The following TMEM222 variants were observed in gnomAD, a reference collection of about 807,000 sequenced individuals.
TMEM222 encodes the protein transmembrane protein 222.
A neutral mutation model predicts 25.1 loss-of-function variants in TMEM222; 18 were observed. That is an observed-to-expected ratio of 0.72 (90% CI 0.50 to 1.06). The LOEUF is 1.06. Ranked by LOEUF, TMEM222 falls within the 50% of genes least tolerant of loss-of-function variation. The pLI is 0.00. For synonymous variants in TMEM222, 131 were observed against 117.9 expected (o/e 1.11, Z -0.72); for missense variants, 296 against 293.7 (o/e 1.01, Z -0.06).
intron 1 of TMEM222, among the ~76,000 whole-genome samples, chr1:27,324,771 G>A (rs776231453): frequency 2.0e-5 from 3 of 152,194 alleles, no homozygotes; most frequent in Admixed American, 6.5e-5. Context: ...AGGCAAAGGG[G>A]GAGGGAGGCA....
chr1:27,334,984 C>T, intron 5 of TMEM222: 1 of 330,338 alleles, frequency 3.0e-6, no homozygotes, highest in Non-Finnish European at 5.4e-6. Context: ...CCAGTAGTCC[C>T]CATTATGAAG....
chr1:27,335,356 G>A (rs1301612659), intron 5 of TMEM222, 23 bp from the exon 6 acceptor site: 1 of 1,613,300 alleles, frequency 6.2e-7, no homozygotes, highest in Non-Finnish European at 8.5e-7. Context: ...GCCCACCTAT[G>A]CTCGCTCCTT....
chr1:27,334,718 T>C (rs1276036234), intron 5 of TMEM222: 1 of 1,334,294 alleles, frequency 7.5e-7, no homozygotes, highest in Non-Finnish European at 9.9e-7. Context: ...CGCCACAGCA[T>C]GGACACAGCA....
chr1:27,332,104 A>C lies in TMEM222; in HGVS notation c.311+3A>C, dbSNP rs200411753. 50 of 1,614,150 alleles carry C rather than the reference A, an allele frequency of 3.1e-5. No individual in the cohort carries two copies. Among genetic ancestry groups the C allele is most frequent in the African/African-American group, 4.0e-5 (3 of 74,954 alleles). On this transcript the variant is annotated splice_donor_region_variant and intron_variant, in intron 3 of 5. Transcript: ENST00000374076. ...ATGGCCTTTGGAAAGCCTGCCAAGTAAGTGATGAACACCCATGTGACTGGC... is the reference window on the plus strand; with the variant it reads ...ATGGCCTTTGGAAAGCCTGCCAAGTCAGTGATGAACACCCATGTGACTGGC...
intron 1 of TMEM222, among the ~76,000 whole-genome samples, chr1:27,327,846 A>G (rs958833684): frequency 1.3e-5 from 2 of 152,204 alleles, no homozygotes; most frequent in Non-Finnish European, 2.9e-5. Context: ...GGCTCAAGCA[A>G]TCCAACTGCC....
chr1:27,334,443 G>GGA, intron 5 of TMEM222, 162 bp downstream of exon 5: 1 of 1,286,438 alleles, frequency 7.8e-7, no homozygotes, highest in Admixed American at 2.7e-5. Flanking sequence ...AGGGCCTGAT[G>GGA]GAGAGGGAGG....
At chr1:27,325,664 C>T (rs1306028870) in intron 1 of TMEM222, 2 of 835,240 alleles carry the variant, frequency 2.4e-6, no homozygotes, top group Admixed American at 1.7e-5. Context: ...TCATTGTGCC[C>T]CCAGAGTGCA....
chr1:27,335,273 C>T, intron 5 of TMEM222, 106 bp from the exon 6 acceptor site: 1 of 1,181,698 alleles, frequency 8.5e-7, no homozygotes, highest in Non-Finnish European at 1.3e-6. Context: ...TTGGGTTTTC[C>T]TTAGGGATGG....
intron 1 of TMEM222, among the ~76,000 whole-genome samples, chr1:27,330,401 A>G (rs1177159816): frequency 2.0e-5 from 3 of 151,966 alleles, no homozygotes; most frequent in African/African-American, 7.3e-5. Context: ...CATTTGAAAA[A>G]AAAAAAAAGG....
In TMEM222 at chr1:27,334,508, C is replaced by A. The variant is rs2014558732; in HGVS notation, c.539+227C>A. The A allele has an allele frequency of 1.1e-5, 15 of 1,349,042 alleles. No homozygotes were observed. In the South Asian group the frequency reaches 2.3e-4, roughly 21 times the overall value. The allele number at this position is 1,349,042 out of a possible 1,614,324, so 83.6% of individuals were successfully genotyped here. ...GCCCCAAATGCAGCTCTGGCTCTTGCCTGCTGTGAGACCATGGGCAACTGC... is the reference window on the plus strand; with the variant it reads ...GCCCCAAATGCAGCTCTGGCTCTTGACTGCTGTGAGACCATGGGCAACTGC... On this transcript the variant is annotated intron_variant, in intron 5 of 5. Coordinates refer to ENST00000374076, the MANE Select transcript of TMEM222 (RefSeq NM_032125.3).
chr1:27,332,205 A>G, intron 3 of TMEM222, 104 bp downstream of exon 3: 1 of 1,403,310 alleles, frequency 7.1e-7, no homozygotes. Flanking sequence ...CTGAGAATAG[A>G]GTATTTGGGG....
At chr1:27,326,155 G>A (rs1440614214) in intron 1 of TMEM222, among the ~76,000 whole-genome samples, 3 of 152,188 alleles carry the variant, frequency 2.0e-5, no homozygotes, top group African/African-American at 7.2e-5. Context: ...GATCTTTGCA[G>A]GGTATTAATA....
intron 3 of TMEM222, chr1:27,333,267 T>C (rs2014523481): frequency 2.1e-6 from 1 of 466,742 alleles, no homozygotes; most frequent in African/African-American, 2.0e-5. Flanking sequence ...CACAGTTTTA[T>C]GCCTGTCACT....
chr1:27,332,655 T>A lies in TMEM222; in HGVS notation c.311+554T>A. 3 of 643,958 alleles carry A rather than the reference T, an allele frequency of 4.7e-6. No individual in the cohort carries two copies. The East Asian group carries it at 8.2e-5, about 18-fold the overall frequency. The allele number at this position is 643,958 out of a possible 1,614,324, so 39.9% of individuals were successfully genotyped here. A position where few individuals can be genotyped will look rare whatever the true frequency, so the allele number is the denominator to read the frequency against. ...TGTGGGCCTGGTGAGAGTGCCTCAG[T>A]CATCAGTGTCCTCAGGTGACCTGTT... On this transcript the variant is annotated intron_variant, in intron 3 of 5. Transcript: ENST00000374076.
intron 1 of TMEM222, among the ~76,000 whole-genome samples, chr1:27,328,972 A>G (rs930883329): frequency 6.6e-6 from 1 of 152,184 alleles, no homozygotes; most frequent in Non-Finnish European, 1.5e-5. Context: ...CTGTAGGGCC[A>G]TGGTTCTCAG....
At chr1:27,325,467 CTGGGTA>C in intron 1 of TMEM222, 2 of 1,394,790 alleles carry the variant, frequency 1.4e-6, no homozygotes, top group Admixed American at 3.4e-5. Flanking sequence ...GCCTTCCTTC[CTGGGTA>C]TGGAATCTTG....
At chr1:27,332,215 G>T (rs1343994533) in intron 3 of TMEM222, 114 bp downstream of exon 3, 2 of 1,329,160 alleles carry the variant, frequency 1.5e-6, no homozygotes, top group African/African-American at 2.9e-5. Context: ...AGTATTTGGG[G>T]TCGGGGGAGA....
chr1:27,333,145 C>T (rs183375101), intron 3 of TMEM222: 4 of 361,052 alleles, frequency 1.1e-5, no homozygotes, highest in African/African-American at 6.4e-5. Flanking sequence ...AAACTCCCCG[C>T]GTGATGTGGC....
At chr1:27,329,009 G>A (rs974129063) in intron 1 of TMEM222, among the ~76,000 whole-genome samples, 1 of 152,148 alleles carries the variant, frequency 6.6e-6, no homozygotes, top group African/African-American at 2.4e-5. Flanking sequence ...GGGTTCCTAT[G>A]TGTGACATAT....
Sources: allele counts gnomAD v4.1 joint callset (sites outside exome capture counted in the v4.1 genomes callset), GRCh38; gene constraint gnomAD v4.1.1; transcripts MANE v1.5; gene names NCBI Gene and HGNC (gene_info 2026-07-23, HGNC 2026-07-21).